Variants in SLC29A3 observed in about 807,000 individuals in gnomAD.
SLC29A3 encodes solute carrier family 29 member 3, also known as equilibrative nucleoside transporter 3.
A neutral mutation model predicts 25.4 loss-of-function variants in SLC29A3; 18 were observed. The observed-to-expected ratio is 0.71, with a 90% confidence interval of 0.49 to 1.05. The LOEUF is 1.05. Among genes scored for constraint, SLC29A3 ranks in the 50% least tolerant of loss-of-function variants. The pLI, the probability that SLC29A3 is intolerant of heterozygous loss-of-function variation, is 0.00. For synonymous variants in SLC29A3, 258 were observed against 267.1 expected, an observed-to-expected ratio of 0.97 and a Z score of 0.33; for missense variants, 586 against 609.0, an observed-to-expected ratio of 0.96 and a Z score of 0.40.
chr10:71,339,858 A>G (rs1173664546), intron 2 of SLC29A3, among the ~76,000 whole-genome samples: 1 of 150,750 alleles, frequency 6.6e-6, no homozygotes, highest in African/African-American at 2.4e-5. Flanking sequence ...CCCTCCTTCC[A>G]TGCCCCCCAA....
At chr10:71,352,275 C>T (rs1467234253) in intron 4 of SLC29A3, among the ~76,000 whole-genome samples, 1 of 152,138 alleles carries the variant, frequency 6.6e-6, no homozygotes, top group Non-Finnish European at 1.5e-5. Flanking sequence ...CACATAGGGT[C>T]AGTTCTGCCA....
chr10:71,375,034 T>G (rs1158735126), intron 3 of SLC29A3, among the ~76,000 whole-genome samples: 1 of 152,206 alleles, frequency 6.6e-6, no homozygotes, highest in East Asian at 1.9e-4. Flanking sequence ...ATGGCGATAA[T>G]GCAGAGGAGG....
intron 2 of SLC29A3, among the ~76,000 whole-genome samples, chr10:71,328,563 T>G (rs994765633): frequency 6.6e-6 from 1 of 152,192 alleles, no homozygotes; most frequent in African/African-American, 2.4e-5. Flanking sequence ...TAAAACTCTC[T>G]TACTCTACAT....
intron 5 of SLC29A3, among the ~76,000 whole-genome samples, chr10:71,358,190 G>A (rs1279078111): frequency 3.3e-5 from 5 of 152,120 alleles, no homozygotes; most frequent in Non-Finnish European, 7.3e-5. Context: ...GGATCATGCT[G>A]CATCCCTGGC....
chr10:71,352,234 G>A (rs966347888), intron 4 of SLC29A3, among the ~76,000 whole-genome samples: 3 of 152,140 alleles, frequency 2.0e-5, no homozygotes, highest in African/African-American at 7.2e-5. Flanking sequence ...GATCCAGGCA[G>A]AAGCTTTATT....
chr10:71,365,205 T>G (rs997771537), downstream of SLC29A3: 1 of 151,866 alleles, frequency 6.6e-6, no homozygotes, highest in African/African-American at 2.4e-5. Flanking sequence ...GACTCCAGCC[T>G]GGGCAAAAAG....
intron 2 of SLC29A3, among the ~76,000 whole-genome samples, chr10:71,337,388 C>T (rs897789074): frequency 6.6e-6 from 1 of 152,254 alleles, no homozygotes; most frequent in South Asian, 2.1e-4. Context: ...ACTCAGCTAT[C>T]CGAAAGCGGC....
At chr10:71,348,675 G>A (rs552160477) in intron 3 of SLC29A3, among the ~76,000 whole-genome samples, 3 of 152,134 alleles carry the variant, frequency 2.0e-5, no homozygotes, top group South Asian at 2.1e-4. Context: ...TAGATGCTCC[G>A]GGCCGCCAAG....
rs1322538356 is a variant in SLC29A3 at position 71,363,145 on chromosome 10, C to T, written c.*537C>T. On this transcript the variant is annotated 3_prime_UTR_variant, in exon 6 of 6. Coordinates refer to ENST00000373189, the MANE Select transcript of SLC29A3 (RefSeq NM_018344.6). The stretch of plus-strand genomic sequence containing the variant: ...CCTGTGTTCTGTGGGTGAACAACTG[C>T]CCACTAACCAGACTGGAAAACCCAG... 2 of 438,514 alleles carry T rather than the reference C, an allele frequency of 4.6e-6. No individual in the cohort carries two copies. Among genetic ancestry groups the T allele is most frequent in the Admixed American group, 2.4e-5 (1 of 40,904 alleles). 27.2% of individuals were successfully genotyped at this position (438,514 alleles called of 1,614,324 possible).
chr10:71,343,186 G>GT (rs1846460016), intron 2 of SLC29A3, among the ~76,000 whole-genome samples: 1 of 152,128 alleles, frequency 6.6e-6, no homozygotes, highest in African/African-American at 2.4e-5. Context: ...TGCCCAGGGT[G>GT]GTCTCCTGGG....
intron 2 of SLC29A3, among the ~76,000 whole-genome samples, chr10:71,326,198 G>A (rs1845961695): frequency 6.6e-6 from 1 of 152,112 alleles, no homozygotes; most frequent in Non-Finnish European, 1.5e-5. Flanking sequence ...GGGGTTACAG[G>A]CATGAGCCAC....
intron 4 of SLC29A3, among the ~76,000 whole-genome samples, chr10:71,376,695 G>C (rs1235073165): frequency 1.3e-5 from 2 of 152,216 alleles, no homozygotes; most frequent in African/African-American, 4.8e-5. Context: ...CAGGAGCATA[G>C]ATTCAAGTTT....
intron 2 of SLC29A3, among the ~76,000 whole-genome samples, chr10:71,340,439 C>G (rs1846372156): frequency 1.3e-5 from 2 of 152,256 alleles, no homozygotes; most frequent in Admixed American, 6.5e-5. Context: ...TTCTCATCCC[C>G]CAACTCCTCT....
chr10:71,357,612 G>A (rs1338513177), intron 5 of SLC29A3, among the ~76,000 whole-genome samples: 1 of 152,150 alleles, frequency 6.6e-6, no homozygotes, highest in Non-Finnish European at 1.5e-5. Context: ...AGCCAGGCAG[G>A]ATTTTAAGAT....
intron 2 of SLC29A3, among the ~76,000 whole-genome samples, chr10:71,336,086 G>C (rs1230540520): frequency 6.6e-6 from 1 of 152,192 alleles, no homozygotes; most frequent in African/African-American, 2.4e-5. Flanking sequence ...CAAGGCTCTA[G>C]GGAATAACAT....
At chr10:71,343,715 A>G (rs1484808381) in intron 2 of SLC29A3, among the ~76,000 whole-genome samples, 1 of 152,214 alleles carries the variant, frequency 6.6e-6, no homozygotes, top group Non-Finnish European at 1.5e-5. Context: ...TGCGGGGCCA[A>G]GGCGAGAGGA....
intron 5 of SLC29A3, among the ~76,000 whole-genome samples, chr10:71,357,210 T>A (rs1334471899): frequency 1.3e-5 from 2 of 152,014 alleles, no homozygotes; most frequent in Non-Finnish European, 2.9e-5. Context: ...GGTCAGGAGA[T>A]CGAGACCATC....
chr10:71,327,840 C>G (rs56275535), intron 2 of SLC29A3, among the ~76,000 whole-genome samples: 1 of 151,542 alleles, frequency 6.6e-6, no homozygotes, highest in East Asian at 2.0e-4. Context: ...CTGGACCCAG[C>G]GTCCCTTGTC....
chr10:71,363,801 CCTTTTTCTTTTCTT>C, downstream of SLC29A3, among the ~76,000 whole-genome samples: 1 of 15,058 alleles, frequency 6.6e-5, no homozygotes, highest in African/African-American at 1.4e-4. Context: ...TTCTTTTTTT[CCTTTTTCTTTTCTT>C]TTTTTTTTTT....
Sources: gnomAD v4.1 joint callset for allele counts (sites outside exome capture counted in the v4.1 genomes callset) on GRCh38, gnomAD v4.1.1 for gene constraint, MANE v1.5 for transcripts, NCBI Gene and HGNC (gene_info 2026-07-23, HGNC 2026-07-21) for gene names.